The following PRRX1 variants were observed in gnomAD, a reference collection of about 807,000 sequenced individuals.
PRRX1 encodes the protein paired related homeobox 1.
A neutral mutation model predicts 24.0 loss-of-function variants in PRRX1; 8 were observed. The observed-to-expected ratio is 0.33, with a 90% CI of 0.20 to 0.60. The LOEUF is 0.60. Among genes scored for constraint, PRRX1 ranks in the 20% least tolerant of loss-of-function variants. The pLI, the probability that PRRX1 is intolerant of heterozygous loss-of-function variation, is 0.82. For synonymous variants in PRRX1, 160 were observed against 131.7 expected (o/e 1.22, Z -1.47); for missense variants, 281 against 322.4 (o/e 0.87, Z 0.98).
chr1:170,715,853 A>G (rs937498273), intron 1 of PRRX1, among the ~76,000 whole-genome samples: 1 of 152,186 alleles, frequency 6.6e-6, no homozygotes, highest in African/African-American at 2.4e-5. Flanking sequence ...GTATGGAAAA[A>G]TCTGTCTTTC....
chr1:170,726,361 C>A lies in PRRX1; in HGVS notation c.559C>A (p.Pro187Thr), dbSNP rs766933694. The A allele has an allele frequency of 1.2e-6, 2 of 1,613,990 alleles. No individual in the cohort carries two copies. Among genetic ancestry groups the A allele is most frequent in the African/African-American group, 2.7e-5 (2 of 74,910 alleles). The change falls in exon 3 of 4, where the codon CCC becomes ACC. Residue 187 changes from proline (P) to threonine (T), a missense_variant. Physicochemically the swap from Pro to Thr is conservative, Grantham distance 38. Transcript: ENST00000239461. ...CATCGTACCTCGTCCTGCTCCGAGA[C>A]CCACCGATTATCTCTCCTGGGGGAC... ...QPIVPRPAPR[P>T]TDYLSWGTAS...
In PRRX1 at chr1:170,736,628, C is replaced by T. The variant is rs1183639347; in HGVS notation, c.*442C>T. The T allele has an allele frequency of 1.9e-5, 4 of 207,828 alleles. No homozygotes were observed. The highest frequency in any genetic ancestry group is 9.3e-5 in the African/African-American group (4 of 42,810). The allele number at this position is 207,828 out of a possible 1,614,324, so 12.9% of individuals were successfully genotyped here. ...CTTGTTTGAACCTTAGTGCCTTACC[C>T]TGTCCTCTTCCCAGTTCTCTTTATA... On this transcript the variant is annotated 3_prime_UTR_variant, in exon 4 of 4. Transcript: ENST00000239461.
intron 1 of PRRX1, among the ~76,000 whole-genome samples, chr1:170,684,035 T>A (rs1206873749): frequency 6.6e-6 from 1 of 152,232 alleles, no homozygotes; most frequent in Non-Finnish European, 1.5e-5. Flanking sequence ...AAGAAGTGAA[T>A]GGCATGACCT....
intron 1 of PRRX1, among the ~76,000 whole-genome samples, chr1:170,690,034 C>G (rs1273102230): frequency 6.6e-6 from 1 of 151,916 alleles, no homozygotes; most frequent in Non-Finnish European, 1.5e-5. Flanking sequence ...TACAATATAT[C>G]GCTTGGAAAA....
At chr1:170,667,487 C>A (rs1006200975) in intron 1 of PRRX1, 11 of 152,216 alleles carry the variant, frequency 7.2e-5, no homozygotes, top group African/African-American at 2.7e-4. Flanking sequence ...CCAGGGGAAC[C>A]CGCAATCCTA....
At chr1:170,692,592 CT>C (rs578239671) in intron 1 of PRRX1, among the ~76,000 whole-genome samples, 2,365 of 121,746 alleles carry the variant, frequency 0.019, 52 homozygotes, top group African/African-American at 0.053. Context: ...CTAGTTGAAT[CT>C]TTTTTTTTTT....
intron 1 of PRRX1, among the ~76,000 whole-genome samples, chr1:170,717,134 CT>C (rs1571342397): frequency 6.6e-6 from 1 of 152,350 alleles, no homozygotes; most frequent in East Asian, 1.9e-4. Context: ...TCAACATGAT[CT>C]GAACTAGTGT....
chr1:170,713,717 A>G (rs760963065), intron 1 of PRRX1, among the ~76,000 whole-genome samples: 1 of 152,238 alleles, frequency 6.6e-6, no homozygotes, highest in Non-Finnish European at 1.5e-5. Context: ...TTTGTTCTCC[A>G]GAGAACATAT....
At chr1:170,670,985 G>A (rs1211001993) in intron 1 of PRRX1, among the ~76,000 whole-genome samples, 1 of 152,098 alleles carries the variant, frequency 6.6e-6, no homozygotes, top group Non-Finnish European at 1.5e-5. Context: ...TAATGAAGAA[G>A]CTCTAATTCC....
At chr1:170,695,557 T>G (rs1164900004) in intron 1 of PRRX1, among the ~76,000 whole-genome samples, 1 of 152,206 alleles carries the variant, frequency 6.6e-6, no homozygotes, top group African/African-American at 2.4e-5. Flanking sequence ...CACAGTTGAA[T>G]AGAAGAGAGT....
chr1:170,666,907 G>T (rs531237805), intron 1 of PRRX1, among the ~76,000 whole-genome samples: 1 of 152,056 alleles, frequency 6.6e-6, no homozygotes, highest in African/African-American at 2.4e-5. Flanking sequence ...GGCGACGCGC[G>T]GTGGCTGGGA....
At chr1:170,692,989 C>A (rs1654045104) in intron 1 of PRRX1, among the ~76,000 whole-genome samples, 1 of 152,064 alleles carries the variant, frequency 6.6e-6, no homozygotes, top group Non-Finnish European at 1.5e-5. Context: ...AATATTCAGG[C>A]ATGTTAACAC....
intron 1 of PRRX1, among the ~76,000 whole-genome samples, chr1:170,664,900 G>A (rs1016044699): frequency 1.3e-5 from 2 of 152,224 alleles, no homozygotes; most frequent in Admixed American, 6.5e-5. Flanking sequence ...GGCTTCTCTC[G>A]GGCAGCGTAT....
At chr1:170,704,439 C>T (rs1261041280) in intron 1 of PRRX1, among the ~76,000 whole-genome samples, 1 of 152,190 alleles carries the variant, frequency 6.6e-6, no homozygotes, top group East Asian at 1.9e-4. Context: ...ACAAAAAACA[C>T]ACTCCAAATA....
chr1:170,689,833 TCTCTCC>T (rs1463616260), intron 1 of PRRX1, among the ~76,000 whole-genome samples: 2,231 of 63,088 alleles, frequency 0.035, 70 homozygotes, highest in Middle Eastern at 0.087. Flanking sequence ...TCTCTCTCTC[TCTCTCC>T]CTCTCTCTCT....
At chr1:170,676,351 A>G (rs1231540094) in intron 1 of PRRX1, among the ~76,000 whole-genome samples, 1 of 143,494 alleles carries the variant, frequency 7.0e-6, no homozygotes, top group Non-Finnish European at 1.5e-5. Context: ...TCTTTACTTC[A>G]CATTCTTTTT....
intron 1 of PRRX1, among the ~76,000 whole-genome samples, chr1:170,672,661 A>T (rs1239757210): frequency 1.3e-5 from 2 of 152,236 alleles, no homozygotes; most frequent in Non-Finnish European, 2.9e-5. Context: ...AAGGAGCCCA[A>T]TTCAATCAAA....
At chr1:170,693,167 C>T (rs982073757) in intron 1 of PRRX1, among the ~76,000 whole-genome samples, 4 of 151,944 alleles carry the variant, frequency 2.6e-5, no homozygotes, top group African/African-American at 7.3e-5. Flanking sequence ...AAGCTAAATA[C>T]CATGGTTTTG....
At chr1:170,722,502 T>C (rs1206067430) in intron 2 of PRRX1, 3 of 152,216 alleles carry the variant, frequency 2.0e-5, no homozygotes, top group African/African-American at 7.2e-5. Flanking sequence ...AGAAGATAGA[T>C]GTACAAACCA....
Sources: allele counts gnomAD v4.1 joint callset (sites outside exome capture counted in the v4.1 genomes callset), GRCh38; gene constraint gnomAD v4.1.1; transcripts MANE v1.5; gene names NCBI Gene and HGNC (gene_info 2026-07-23, HGNC 2026-07-21).